PDS5B: variants seen among roughly 807,000 people sequenced by gnomAD.
PDS5B encodes the protein PDS5 cohesin associated factor B.
In PDS5B, 51 loss-of-function variants were observed where a neutral mutation model predicts 184.1. The ratio of observed to expected loss-of-function variants is 0.28; its 90% CI spans 0.22 to 0.35. The LOEUF is 0.35. PDS5B is among the 10% of genes least tolerant of loss of function. PDS5B has a pLI of 1.00. For synonymous variants in PDS5B, 566 were observed against 569.2 expected, an observed-to-expected ratio of 0.99 and a Z score of 0.08; for missense variants, 1,180 against 1,723.3, an observed-to-expected ratio of 0.68 and a Z score of 5.58.
intron 1 of PDS5B, among the ~76,000 whole-genome samples, chr13:32,632,900 G>A (rs2140580109): frequency 6.6e-6 from 1 of 152,000 alleles, no homozygotes; most frequent in Middle Eastern, 3.4e-3. Flanking sequence ...TCAGGAGATC[G>A]AGACCATCCT....
intron 1 of PDS5B, among the ~76,000 whole-genome samples, chr13:32,616,722 T>TA (rs1031237051): frequency 6.6e-6 from 1 of 151,786 alleles, no homozygotes; most frequent in Non-Finnish European, 1.5e-5. Flanking sequence ...TATAGCCTTT[T>TA]AAAAAAAAAT....
chr13:32,686,045 C>G lies in PDS5B; in HGVS notation c.1204-1089C>G, dbSNP rs17516095. Among the ~76,000 whole-genome samples, 756 of 151,966 alleles carry G rather than the reference C, an allele frequency of 5.0e-3. 2 individuals are homozygous for G. Among genetic ancestry groups the G allele is most frequent in the Non-Finnish European group, 8.5e-3 (579 of 67,954 alleles). On this transcript the variant is annotated intron_variant, in intron 11 of 34. Transcript: ENST00000315596. ...TACTGTAATTAAGTGAAAGAAAAACCAAGGAATAATTTGTTGCTATGAATG... is the reference window on the plus strand; with the variant it reads ...TACTGTAATTAAGTGAAAGAAAAACGAAGGAATAATTTGTTGCTATGAATG...
intron 3 of PDS5B, among the ~76,000 whole-genome samples, chr13:32,654,169 G>A (rs1950439134): frequency 6.6e-6 from 1 of 152,120 alleles, no homozygotes; most frequent in South Asian, 2.1e-4. Context: ...TACTGACTTT[G>A]AGGGTGCTTT....
rs753444313 is a variant in PDS5B at position 32,707,046 on chromosome 13, A to G, written c.1962+7A>G. On this transcript the variant is annotated splice_region_variant and intron_variant, in intron 18 of 34. Transcript: ENST00000315596. ...AGGTCTTGAACTGCTTAAGGTAAGT[A>G]TCTATTTAAAATTAAGTGCCTAATT... is the stretch of plus-strand genomic sequence containing the variant. 3 of 1,505,448 alleles carry G rather than the reference A, an allele frequency of 2.0e-6. No homozygotes were observed. Among genetic ancestry groups the G allele is most frequent in the East Asian group, 2.3e-5 (1 of 43,030 alleles). The allele number at this position is 1,505,448 out of a possible 1,614,324, so 93.3% of individuals were successfully genotyped here.
intron 1 of PDS5B, among the ~76,000 whole-genome samples, chr13:32,646,865 T>G (rs1424874156): frequency 6.6e-6 from 1 of 152,174 alleles, no homozygotes; most frequent in African/African-American, 2.4e-5. Flanking sequence ...TTATACTCCT[T>G]GGTTGTAAAC....
chr13:32,750,847 CTGTGTGTGTGTG>C (rs71194534), intron 24 of PDS5B, among the ~76,000 whole-genome samples: 54 of 143,530 alleles, frequency 3.8e-4, no homozygotes, highest in African/African-American at 4.7e-4. Context: ...CGGCCTCCCT[CTGTGTGTGTGTG>C]TGTGTGTGTG....
chr13:32,633,909 G>T (rs1179535637), intron 1 of PDS5B, among the ~76,000 whole-genome samples: 1 of 152,056 alleles, frequency 6.6e-6, no homozygotes, highest in East Asian at 1.9e-4. Flanking sequence ...GTACTTTTAT[G>T]CCCATTTTAT....
In PDS5B at chr13:32,760,588, A is replaced by G. The variant is rs773686532; in HGVS notation, c.3386A>G (p.Asn1129Ser). ...TTCTCATTTCAGCCTAAAACAACCA[A>G]TGTTCTAGGAGCTGTTAACAAGCCA... ...FFTPGKPKTT[N>S]VLGAVNKPLS... Residue 1129 changes from asparagine to serine, a missense_variant, in exon 30 of 35, where the codon AAT (asparagine) becomes AGT (serine). Transcript: ENST00000315596. 1.2e-5 allele frequency: 19 copies of G among 1,613,498 alleles called. No individual in the cohort carries two copies. The South Asian group carries it at 1.7e-4, about 14-fold the overall frequency.
At chr13:32,591,502 A>G (rs997382502) in intron 1 of PDS5B, among the ~76,000 whole-genome samples, 3 of 152,154 alleles carry the variant, frequency 2.0e-5, no homozygotes, top group Non-Finnish European at 4.4e-5. Flanking sequence ...AGATCAACAT[A>G]ATTAAGAAAT....
intron 17 of PDS5B, among the ~76,000 whole-genome samples, chr13:32,703,684 A>C (rs1951925895): frequency 6.6e-6 from 1 of 152,130 alleles, no homozygotes; most frequent in Non-Finnish European, 1.5e-5. Flanking sequence ...TGTACAGAAA[A>C]ATTCTACTTT....
chr13:32,593,902 A>G (rs911101524), intron 1 of PDS5B, among the ~76,000 whole-genome samples: 1 of 152,166 alleles, frequency 6.6e-6, no homozygotes, highest in African/African-American at 2.4e-5. Context: ...CTTTTACTGA[A>G]AAAAATCCAT....
intron 11 of PDS5B, among the ~76,000 whole-genome samples, chr13:32,685,969 T>C (rs1426492724): frequency 6.6e-6 from 1 of 152,178 alleles, no homozygotes; most frequent in Non-Finnish European, 1.5e-5. Context: ...TAGAAGTCTT[T>C]TATTTCAATA....
chr13:32,658,524 G>A lies in PDS5B; in HGVS notation c.490G>A (p.Val164Ile). 3 of 1,489,244 alleles carry A rather than the reference G, an allele frequency of 2.0e-6. No homozygotes were observed. The highest frequency in any genetic ancestry group is 2.8e-6 in the Non-Finnish European group (3 of 1,083,730). 92.3% of individuals were successfully genotyped at this position (1,489,244 alleles called of 1,614,324 possible). A position where few individuals can be genotyped will look rare whatever the true frequency, so the allele number is the denominator to read the frequency against. Reference sequence around the variant, plus strand: ...CCAGCTATACAGAACCTTATTTTCAGTTATAAAGTAAGTTTATTTTATTAA... The same window carrying A: ...CCAGCTATACAGAACCTTATTTTCAATTATAAAGTAAGTTTATTTTATTAA... ...FTQLYRTLFS[V>I]INNGHNQKVH... is the part of the protein sequence containing the mutation. The change falls in exon 5 of 35, where the codon GTT (valine) becomes ATT (isoleucine). Residue 164 changes from valine (V) to isoleucine (I), a missense_variant. By Grantham distance (29) the Val-to-Ile change is conservative. Coordinates refer to ENST00000315596, the MANE Select transcript of PDS5B (RefSeq NM_015032.4).
chr13:32,681,447 A>AC (rs1457912017), intron 10 of PDS5B, among the ~76,000 whole-genome samples: 11 of 151,840 alleles, frequency 7.2e-5, no homozygotes, highest in Admixed American at 1.3e-4. Flanking sequence ...ACATGGTGAA[A>AC]CCCCACCTCT....
intron 33 of PDS5B, 44 bp from the exon 34 acceptor site, chr13:32,773,145 A>C (rs746128466): frequency 2.6e-6 from 4 of 1,530,320 alleles, no homozygotes; most frequent in Non-Finnish European, 1.8e-6. Context: ...TAATCTACTG[A>C]AAGATTGGAA....
At chr13:32,614,942 T>G (rs1184971991) in intron 1 of PDS5B, among the ~76,000 whole-genome samples, 2 of 152,224 alleles carry the variant, frequency 1.3e-5, no homozygotes, top group Non-Finnish European at 2.9e-5. Context: ...TTAGTTGAGT[T>G]TGTCCCTTTT....
intron 1 of PDS5B, among the ~76,000 whole-genome samples, chr13:32,610,801 A>C (rs2058129262): frequency 6.6e-6 from 1 of 152,054 alleles, no homozygotes. Flanking sequence ...TACTTACCTC[A>C]GAGTTCTTGG....
intron 1 of PDS5B, among the ~76,000 whole-genome samples, chr13:32,596,927 T>C (rs1436995050): frequency 2.6e-5 from 4 of 152,196 alleles, no homozygotes; most frequent in African/African-American, 9.7e-5. Context: ...TCTCCTGTTT[T>C]GTAGCTTGCC....
chr13:32,746,471 CTATT>C (rs1381900447), intron 24 of PDS5B, among the ~76,000 whole-genome samples: 1 of 152,142 alleles, frequency 6.6e-6, no homozygotes, highest in African/African-American at 2.4e-5. Context: ...TGTTTAAAGA[CTATT>C]TATTATATAT....
Sources: allele counts gnomAD v4.1 joint callset (sites outside exome capture counted in the v4.1 genomes callset), GRCh38; gene constraint gnomAD v4.1.1; transcripts MANE v1.5; gene names NCBI Gene and HGNC (gene_info 2026-07-23, HGNC 2026-07-21).